The following LMX1A variants were observed in gnomAD, a reference collection of about 807,000 sequenced individuals.
LMX1A encodes the protein LIM homeobox transcription factor 1 alpha, also known as LIM homeobox transcription factor 1-alpha.
LMX1A carries 15 observed loss-of-function variants against 49.1 expected under a neutral mutation model. The observed-to-expected ratio is 0.31, with a 90% CI of 0.20 to 0.47. LMX1A has a LOEUF of 0.47. Among genes scored for constraint, LMX1A ranks in the 20% least tolerant of loss-of-function variants. LMX1A has a pLI of 1.00. For synonymous variants in LMX1A, 167 were observed against 185.7 expected (o/e 0.90, Z 0.82); for missense variants, 372 against 475.8 (o/e 0.78, Z 2.03).
intron 3 of LMX1A, among the ~76,000 whole-genome samples, chr1:165,329,209 A>G (rs980345916): frequency 2.6e-5 from 4 of 152,196 alleles, no homozygotes; most frequent in Non-Finnish European, 5.9e-5. Flanking sequence ...TAAAATCATC[A>G]GCTCTTGGGA....
At chr1:165,206,800 T>C (rs1651101817) in intron 7 of LMX1A, among the ~76,000 whole-genome samples, 1 of 152,220 alleles carries the variant, frequency 6.6e-6, no homozygotes, top group African/African-American at 2.4e-5. Flanking sequence ...ACCAGCTTCC[T>C]GCTCCACCCT....
intron 3 of LMX1A, among the ~76,000 whole-genome samples, chr1:165,348,955 C>A (rs1656333221): frequency 6.6e-6 from 1 of 152,188 alleles, no homozygotes; most frequent in South Asian, 2.1e-4. Context: ...TCCACTGGCT[C>A]TCTGAGGAAA....
At chr1:165,251,930 G>T (rs1653072281) in intron 3 of LMX1A, among the ~76,000 whole-genome samples, 1 of 152,154 alleles carries the variant, frequency 6.6e-6, no homozygotes, top group Admixed American at 6.5e-5. Flanking sequence ...TCTGCTGCCA[G>T]CTCTACAGAT....
intron 4 of LMX1A, among the ~76,000 whole-genome samples, chr1:165,247,932 C>A (rs1312007020): frequency 6.6e-6 from 1 of 152,222 alleles, no homozygotes; most frequent in African/African-American, 2.4e-5. Context: ...GGTTTTTCTT[C>A]ATGTGTTTAT....
intron 3 of LMX1A, among the ~76,000 whole-genome samples, chr1:165,330,564 C>T (rs569454728): frequency 6.6e-6 from 1 of 152,266 alleles, no homozygotes; most frequent in East Asian, 1.9e-4. Flanking sequence ...TAATTACAAA[C>T]CGTAGACAAA....
chr1:165,271,659 C>A (rs1023186208), intron 3 of LMX1A, among the ~76,000 whole-genome samples: 8 of 152,082 alleles, frequency 5.3e-5, no homozygotes, highest in African/African-American at 1.9e-4. Context: ...CAACAGTCAC[C>A]AAGGCTAGAG....
rs756108458 is a variant in LMX1A at position 165,355,893 on chromosome 1, C to T, written c.-22-312G>A. The T allele has an allele frequency of 1.6e-5, 6 of 373,550 alleles. No homozygotes were observed. Among genetic ancestry groups the T allele is most frequent in the Non-Finnish European group, 2.9e-5 (6 of 204,206 alleles). 23.1% of individuals were successfully genotyped at this position (373,550 alleles called of 1,614,324 possible). A position where few individuals can be genotyped will look rare whatever the true frequency, so the allele number is the denominator to read the frequency against. ...TGCCCCAGGTTTTCCATCCCGAATCCGACTCCGCCCCAACCTATACGAAGG... is the reference window on the plus strand; with the variant it reads ...TGCCCCAGGTTTTCCATCCCGAATCTGACTCCGCCCCAACCTATACGAAGG... On this transcript the variant is annotated intron_variant, in intron 1 of 8. Transcript: ENST00000342310. This position sits in a 1 kb window ranked among gnomAD's most constrained non-coding sequence, Gnocchi z 4.7.
intron 4 of LMX1A, among the ~76,000 whole-genome samples, chr1:165,237,610 T>C (rs2102626868): frequency 6.6e-6 from 1 of 152,272 alleles, no homozygotes; most frequent in East Asian, 1.9e-4. Context: ...CAAGCATGCC[T>C]CCAGGTTCCA....
chr1:165,296,785 C>G (rs1416773651), intron 3 of LMX1A, among the ~76,000 whole-genome samples: 1 of 152,226 alleles, frequency 6.6e-6, no homozygotes, highest in Non-Finnish European at 1.5e-5. Context: ...ATGTTGCAAG[C>G]AATGTATTTT....
Position 165,297,480 on chromosome 1 carries a change from CAA to C in LMX1A, c.264-47842_264-47841del, listed in dbSNP as rs534216812. 3.6e-3 allele frequency among the ~76,000 whole-genome samples: 554 copies of C among 152,340 alleles called. 1 individual carries two copies. Among genetic ancestry groups the C allele is most frequent in the African/African-American group, 0.013 (531 of 41,566 alleles). Reference sequence around the variant, plus strand: ...TAGTGGAAGTTGAAACAGTCTAAAACAAAGTCTCTGGCTGTCCTCAGTTTGCA... The same window carrying C: ...TAGTGGAAGTTGAAACAGTCTAAAACAGTCTCTGGCTGTCCTCAGTTTGCA... On this transcript the variant is annotated intron_variant, in intron 3 of 8. Coordinates refer to ENST00000342310, the MANE Select transcript of LMX1A (RefSeq NM_177398.4).
chr1:165,303,168 G>A (rs1445568054), intron 3 of LMX1A, among the ~76,000 whole-genome samples: 1 of 152,150 alleles, frequency 6.6e-6, no homozygotes, highest in African/African-American at 2.4e-5. Flanking sequence ...TCCAAAACCA[G>A]GAATGTTGAG....
chr1:165,236,643 T>C (rs1571168122), intron 4 of LMX1A, among the ~76,000 whole-genome samples: 2 of 152,180 alleles, frequency 1.3e-5, no homozygotes, highest in East Asian at 3.8e-4. Context: ...CTCGAGTCTC[T>C]GTGGTTCAGC....
rs141111805 is a variant in LMX1A at position 165,251,611 on chromosome 1, G to A, written c.264-1971C>T. ...GGGTCCTGGTGGTCAGAGCTGGCAGGTAATGATAATGCCAAGACTCCAGTA... is the reference window on the plus strand; with the variant it reads ...GGGTCCTGGTGGTCAGAGCTGGCAGATAATGATAATGCCAAGACTCCAGTA... On this transcript the variant is annotated intron_variant, in intron 3 of 8. Coordinates refer to ENST00000342310, the MANE Select transcript of LMX1A (RefSeq NM_177398.4). 4.6e-3 allele frequency among the ~76,000 whole-genome samples: 697 copies of A among 152,240 alleles called. 6 individuals carry two copies. Among genetic ancestry groups the A allele is most frequent in the African/African-American group, 0.016 (681 of 41,528 alleles).
chr1:165,220,029 G>T (rs2102610772), intron 4 of LMX1A, among the ~76,000 whole-genome samples: 1 of 152,304 alleles, frequency 6.6e-6, no homozygotes, highest in South Asian at 2.1e-4. Context: ...GGCACTTTAT[G>T]CCAAGGGCAT....
chr1:165,272,698 G>A (rs928720104), intron 3 of LMX1A, among the ~76,000 whole-genome samples: 6 of 152,190 alleles, frequency 3.9e-5, no homozygotes, highest in African/African-American at 1.4e-4. Flanking sequence ...GCTGAAATAG[G>A]AGCCACAGAG....
At chr1:165,269,551 C>T (rs2101694050) in intron 3 of LMX1A, among the ~76,000 whole-genome samples, 1 of 152,304 alleles carries the variant, frequency 6.6e-6, no homozygotes, top group Middle Eastern at 3.4e-3. Context: ...TGGGTATATA[C>T]ACAAAGGAAT....
chr1:165,284,816 T>G (rs1016397378), intron 3 of LMX1A, among the ~76,000 whole-genome samples: 3 of 152,162 alleles, frequency 2.0e-5, no homozygotes, highest in Non-Finnish European at 4.4e-5. Flanking sequence ...TCCATCTGGG[T>G]GTTCTTTCCC....
chr1:165,304,023 G>A (rs997638021), intron 3 of LMX1A, among the ~76,000 whole-genome samples: 6 of 152,034 alleles, frequency 3.9e-5, no homozygotes, highest in South Asian at 4.2e-4. Flanking sequence ...AAAGGGTCAC[G>A]GTGGTCACTA....
chr1:165,297,890 A>G lies in LMX1A; in HGVS notation c.264-48250T>C, dbSNP rs373573889. Reference sequence around the variant, plus strand: ...ATTCAGCCTCTCAGATTCCTCATCTATAAAATAAAAATAACAAAACCCAGT... The same window carrying G: ...ATTCAGCCTCTCAGATTCCTCATCTGTAAAATAAAAATAACAAAACCCAGT... On this transcript the variant is annotated intron_variant, in intron 3 of 8. Transcript: ENST00000342310. Among the ~76,000 whole-genome samples, 105 of 152,354 alleles carry G rather than the reference A, an allele frequency of 6.9e-4. 2 individuals carry two copies. In the East Asian group the frequency reaches 0.017, roughly 24 times the overall value.
Sources: allele counts gnomAD v4.1 joint callset (sites outside exome capture counted in the v4.1 genomes callset), GRCh38; gene constraint gnomAD v4.1.1; non-coding constraint Gnocchi (gnomAD v3.1); transcripts MANE v1.5; gene names NCBI Gene and HGNC (gene_info 2026-07-23, HGNC 2026-07-21).